TRANK1: variants seen among roughly 807,000 people sequenced by gnomAD.
TRANK1 encodes tetratricopeptide repeat and ankyrin repeat containing 1.
In TRANK1, 198 loss-of-function variants were observed where a neutral mutation model predicts 266.0. The ratio of observed to expected loss-of-function variants is 0.74; its 90% CI spans 0.66 to 0.84. The LOEUF (loss-of-function observed/expected upper bound fraction) is 0.84. Ranked by LOEUF, TRANK1 falls within the 40% of genes least tolerant of loss-of-function variation. TRANK1 has a pLI of 0.00. For missense variants in TRANK1, 3,326 were observed against 3,634.6 expected (o/e 0.92, Z 2.18); for synonymous variants, 1,396 against 1,384.1 (o/e 1.01, Z -0.19).
intron 1 of TRANK1, among the ~76,000 whole-genome samples, chr3:36,921,212 T>C (rs1013984917): frequency 1.3e-5 from 2 of 152,122 alleles, no homozygotes; most frequent in African/African-American, 2.4e-5. Flanking sequence ...AAATAGCCAA[T>C]TGGAATTAGC....
intron 1 of TRANK1, among the ~76,000 whole-genome samples, chr3:36,924,471 A>T (rs773246589): frequency 1.8e-4 from 27 of 152,316 alleles, no homozygotes; most frequent in Non-Finnish European, 3.8e-4. Flanking sequence ...CTACATTCTA[A>T]AGCATTAAAA....
intron 8 of TRANK1, among the ~76,000 whole-genome samples, chr3:36,888,999 T>C (rs568827271): frequency 6.6e-6 from 1 of 152,212 alleles, no homozygotes; most frequent in Non-Finnish European, 1.5e-5. Flanking sequence ...TGAGCCAAGA[T>C]TGTGCCACTG....
chr3:36,887,861 G>A (rs2079629318), intron 8 of TRANK1, among the ~76,000 whole-genome samples: 1 of 152,188 alleles, frequency 6.6e-6, no homozygotes, highest in Non-Finnish European at 1.5e-5. Flanking sequence ...TAAATAACAA[G>A]GGTTAGGATG....
rs574265082 is a variant in TRANK1 at position 36,850,513 on chromosome 3, A to G, written c.4887+1206T>C. The G allele has an allele frequency of 1.1e-4, 104 of 985,352 alleles. 1 individual carries two copies. The South Asian group carries it at 4.5e-3, about 43-fold the overall frequency. 61.0% of individuals were successfully genotyped at this position (985,352 alleles called of 1,614,324 possible). A position where few individuals can be genotyped will look rare whatever the true frequency, so the allele number is the denominator to read the frequency against. ...ACAGATAAAGGTGGCTCATGCTTAT[A>G]ATCTCAGCACTTCGGGAGGCCAAGG... is the stretch of plus-strand genomic sequence containing the variant. On this transcript the variant is annotated intron_variant, in intron 15 of 23. Coordinates refer to ENST00000645898, the MANE Select transcript of TRANK1 (RefSeq NM_001329998.2).
chr3:36,896,952 C>T (rs1323340740), intron 4 of TRANK1, among the ~76,000 whole-genome samples: 1 of 151,354 alleles, frequency 6.6e-6, no homozygotes, highest in Admixed American at 6.6e-5. Flanking sequence ...AGAGATCGCG[C>T]CATTGCACTT....
chr3:36,904,880 A>C (rs2125626745), intron 2 of TRANK1, among the ~76,000 whole-genome samples: 1 of 152,190 alleles, frequency 6.6e-6, no homozygotes, highest in African/African-American at 2.4e-5. Flanking sequence ...AGAGGTTCTC[A>C]GCACCCTGTT....
chr3:36,944,289 C>G (rs1045274036), intron 1 of TRANK1, among the ~76,000 whole-genome samples: 5 of 152,176 alleles, frequency 3.3e-5, no homozygotes, highest in Admixed American at 3.3e-4. Flanking sequence ...AAGAAGGCCT[C>G]CTACTGCCGG....
chr3:36,903,696 T>A (rs1437592348), intron 2 of TRANK1, among the ~76,000 whole-genome samples: 1 of 152,206 alleles, frequency 6.6e-6, no homozygotes. Context: ...GCAAGAACTC[T>A]GGGTGAGTAC....
intron 1 of TRANK1, among the ~76,000 whole-genome samples, chr3:36,932,057 G>A (rs1217623520): frequency 6.6e-6 from 1 of 152,188 alleles, no homozygotes; most frequent in Non-Finnish European, 1.5e-5. Flanking sequence ...AAATTCAAAA[G>A]AGCTTTAGTG....
intron 20 of TRANK1, among the ~76,000 whole-genome samples, chr3:36,836,839 C>T (rs1359403830): frequency 6.6e-6 from 1 of 152,228 alleles, no homozygotes; most frequent in Non-Finnish European, 1.5e-5. Context: ...TAAGCTGATG[C>T]TAGACTCTAA....
At chr3:36,921,161 TG>T (rs962128605) in intron 1 of TRANK1, among the ~76,000 whole-genome samples, 3 of 152,140 alleles carry the variant, frequency 2.0e-5, no homozygotes, top group Admixed American at 1.3e-4. Context: ...CCTGCCAAAC[TG>T]TTAACCCCAC....
chr3:36,900,791 A>G (rs1426174572), intron 3 of TRANK1, among the ~76,000 whole-genome samples: 1 of 142,474 alleles, frequency 7.0e-6, no homozygotes, highest in Admixed American at 7.4e-5. Flanking sequence ...CGGAGGGAGG[A>G]GGATCACATG....
chr3:36,923,858 A>C (rs543320181), intron 1 of TRANK1, among the ~76,000 whole-genome samples: 1 of 152,300 alleles, frequency 6.6e-6, no homozygotes, highest in South Asian at 2.1e-4. Flanking sequence ...TCAGTCTTTC[A>C]GCAGCTGGCT....
chr3:36,905,839 C>A (rs2079959108), intron 2 of TRANK1, among the ~76,000 whole-genome samples: 1 of 152,188 alleles, frequency 6.6e-6, no homozygotes, highest in Non-Finnish European at 1.5e-5. Flanking sequence ...TCCCTCAGTC[C>A]CCTTTCTCCT....
At position 36,828,169 on chromosome 3, in the gene TRANK1, T is replaced by C; in HGVS notation, c.*106A>G. The stretch of plus-strand genomic sequence containing the variant: ...CAATGGTGTTGTTAGACTCCCCTAT[T>C]TTTAAAATGCTAATTCACATTCTTT... On this transcript the variant is annotated 3_prime_UTR_variant, in exon 24 of 24. Transcript: ENST00000645898. 1 of 823,146 alleles carries C rather than the reference T, an allele frequency of 1.2e-6. No homozygotes were observed. Among genetic ancestry groups the C allele is most frequent in the Non-Finnish European group, 2.0e-6 (1 of 508,646 alleles). 51.0% of individuals were successfully genotyped at this position (823,146 alleles called of 1,614,324 possible).
chr3:36,891,809 C>T (rs932998594), intron 7 of TRANK1, among the ~76,000 whole-genome samples: 1 of 152,194 alleles, frequency 6.6e-6, no homozygotes, highest in Non-Finnish European at 1.5e-5. Flanking sequence ...ACAACACAGC[C>T]GTCAACCCTA....
chr3:36,877,981 A>G (rs1385749606), intron 8 of TRANK1, among the ~76,000 whole-genome samples: 1 of 152,204 alleles, frequency 6.6e-6, no homozygotes, highest in Non-Finnish European at 1.5e-5. Flanking sequence ...CATGTAAGGA[A>G]TAAGTTGAGG....
chr3:36,907,986 C>T (rs915708317), intron 2 of TRANK1, among the ~76,000 whole-genome samples: 3 of 152,048 alleles, frequency 2.0e-5, no homozygotes, highest in African/African-American at 7.3e-5. Flanking sequence ...TGCGCTGTGG[C>T]CACGGAGTAA....
chr3:36,910,809 C>T (rs955134343), intron 1 of TRANK1, among the ~76,000 whole-genome samples: 1 of 151,998 alleles, frequency 6.6e-6, no homozygotes, highest in Non-Finnish European at 1.5e-5. Flanking sequence ...TGCCTGTAAT[C>T]CCAGCACTTT....
Sources: allele counts gnomAD v4.1 joint callset (sites outside exome capture counted in the v4.1 genomes callset), GRCh38; gene constraint gnomAD v4.1.1; transcripts MANE v1.5; gene names NCBI Gene and HGNC (gene_info 2026-07-23, HGNC 2026-07-21).